The following GREP1 variants were observed in gnomAD, a reference collection of about 807,000 sequenced individuals.
GREP1 encodes glycine rich extracellular protein 1.
At position 2,991,254 on chromosome 16, in the gene GREP1, G is replaced by A. The variant is rs964094291; in HGVS notation, c.322+153G>A. On this transcript the variant is annotated intron_variant, in intron 8 of 34. Coordinates refer to ENST00000573315, the Ensembl canonical transcript of GREP1. The surrounding 1 kb of genome is among the most constrained non-coding windows in gnomAD (Gnocchi z 4.9). The stretch of plus-strand genomic sequence containing the variant: ...TCCCTTCCCAGGCCTGGGAGTGGGC[G>A]TGAAACCTCCGAAGCCAGGTGAGGC... The A allele has an allele frequency of 1.3e-5, 5 of 396,620 alleles. No homozygotes were observed. The highest frequency in any genetic ancestry group is 4.1e-5 in the African/African-American group (2 of 48,538). The allele number at this position is 396,620 out of a possible 1,614,324, so 24.6% of individuals were successfully genotyped here.
chr16:2,998,684 G>C (rs2072441210), intron 25 of GREP1, among the ~76,000 whole-genome samples, 161 bp downstream of exon 23: 1 of 152,190 alleles, frequency 6.6e-6, no homozygotes, highest in Non-Finnish European at 1.5e-5. Context: ...TGTGGACCAA[G>C]GGAGCTGGGC....
At chr16:2,996,272 C>T (rs1472884794) in intron 18 of GREP1, among the ~76,000 whole-genome samples, 5 of 152,158 alleles carry the variant, frequency 3.3e-5, no homozygotes, top group African/African-American at 9.7e-5. Context: ...AGACAAAGAT[C>T]GGGCCAGGGG....
chr16:2,997,682 T>C (rs1429950989), intron 22 of GREP1, 121 bp from the exon 21 acceptor site: 2 of 397,982 alleles, frequency 5.0e-6, no homozygotes, highest in Non-Finnish European at 8.8e-6. Flanking sequence ...CAGTTCCCAC[T>C]GGTCATGGAC....
At chr16:2,999,148 A>G (rs1328602977) in intron 26 of GREP1, 169 bp downstream of exon 24, 1 of 398,454 alleles carries the variant, frequency 2.5e-6, no homozygotes, top group Admixed American at 4.4e-5. Context: ...TGGCCCTGGG[A>G]CCCCATGTGG....
At chr16:2,993,284 CAG>C (rs2072407954) in intron 10 of GREP1, 1 of 218,854 alleles carries the variant, frequency 4.6e-6, no homozygotes, top group Admixed American at 5.8e-5. Flanking sequence ...ACTAAAGGCT[CAG>C]AGAGCAGGCG....
intron 22 of GREP1, chr16:2,997,466 TG>T: frequency 2.5e-6 from 1 of 397,958 alleles, no homozygotes; most frequent in Non-Finnish European, 4.4e-6. Context: ...AGGAAAGAGG[TG>T]GGGGCCTGGC....
chr16:2,999,996 C>T (rs1002869391), intron 28 of GREP1, 53 bp downstream of exon 25: 2 of 399,032 alleles, frequency 5.0e-6, no homozygotes, highest in Admixed American at 4.4e-5. Context: ...CTCTTCCCTC[C>T]TCTTCCTTCT....
In GREP1 at chr16:3,000,828, G is replaced by T. The variant is rs2072457629; in HGVS notation, c.1531+1G>T. 2.5e-6 allele frequency: 1 copy of T among 399,050 alleles called. No individual in the cohort carries two copies. Among genetic ancestry groups the T allele is most frequent in the Non-Finnish European group, 4.4e-6 (1 of 226,206 alleles). The allele number at this position is 399,050 out of a possible 1,614,324, so 24.7% of individuals were successfully genotyped here. A position where few individuals can be genotyped will look rare whatever the true frequency, so the allele number is the denominator to read the frequency against. ...TATGCTGAGGCCAGGAGCCAGCCAGGTAACGGGATGCCTGGATGAGTGTGT... is the reference window on the plus strand; with the variant it reads ...TATGCTGAGGCCAGGAGCCAGCCAGTTAACGGGATGCCTGGATGAGTGTGT... On this transcript the variant is annotated splice_donor_variant, in intron 33 of 34. Coordinates refer to ENST00000573315, the Ensembl canonical transcript of GREP1. LOFTEE classifies it high-confidence loss of function.
At chr16:2,990,441 C>T (rs1351440920) in intron 5 of GREP1, 111 bp from the exon 6 acceptor site, 2 of 399,106 alleles carry the variant, frequency 5.0e-6, no homozygotes, top group African/African-American at 2.1e-5. Context: ...ATCTGATCCC[C>T]CTCTCTTTCC....
rs979490233 is a variant in GREP1, at chr16:2,992,125, G to A, written c.323-680G>A. ...TCGGTCTCCCAAGATCTGGTGATGG[G>A]AATGGGATGGGAGCTGGGGCCTTCC... On this transcript the variant is annotated intron_variant, in intron 8 of 34. Transcript: ENST00000573315. The surrounding 1 kb of genome is among the most constrained non-coding windows in gnomAD (Gnocchi z 4.9). The A allele has an allele frequency of 6.6e-6, 1 of 152,610 alleles. No individual in the cohort carries two copies. Among genetic ancestry groups the A allele is most frequent in the African/African-American group, 2.4e-5 (1 of 41,444 alleles). 9.5% of individuals were successfully genotyped at this position (152,610 alleles called of 1,614,324 possible).
Position 2,990,965 on chromosome 16 carries a change from G to A in GREP1, c.269-83G>A, listed in dbSNP as rs994299602. ...GCGAGGCCGCCCCACACCTGTCCCA[G>A]TGTCCACTTCCCACCCTCTGTCTCT... On this transcript the variant is annotated intron_variant, in intron 7 of 34. Coordinates refer to ENST00000573315, the Ensembl canonical transcript of GREP1. 6 of 399,018 alleles carry A rather than the reference G, an allele frequency of 1.5e-5. No individual in the cohort carries two copies. The Admixed American group carries it at 2.6e-4, about 18-fold the overall frequency. The allele number at this position is 399,018 out of a possible 1,614,324, so 24.7% of individuals were successfully genotyped here.
At chr16:2,997,971 G>A in intron 23 of GREP1, 136 bp downstream of exon 21, 1 of 224,650 alleles carries the variant, frequency 4.5e-6, no homozygotes. Context: ...GTGGGAAGGA[G>A]CCCAGCCAGG....
intron 29 of GREP1, 120 bp downstream of exon 26, chr16:3,000,238 C>T (rs535767171): frequency 5.0e-6 from 2 of 399,372 alleles, no homozygotes; most frequent in East Asian, 3.6e-5. Context: ...CCTCCTGATG[C>T]TGTCCCTGTT....
chr16:2,993,972 A>C (rs1039448602), intron 10 of GREP1: 1 of 152,732 alleles, frequency 6.5e-6, no homozygotes, highest in African/African-American at 2.4e-5. Context: ...ACAAACAAAC[A>C]AACAAACAAC....
In GREP1 at chr16:2,998,741, A is replaced by G. The variant is rs2072441624; in HGVS notation, c.1013-107A>G. On this transcript the variant is annotated intron_variant, in intron 25 of 34. Transcript: ENST00000573315. ...CCCCCTAAGGTGCTGGGTCTGCCCT[A>G]GAAGCCACTACAGGCCGGTGGCTTG... The G allele has an allele frequency of 1.5e-5, 6 of 398,602 alleles. No individual in the cohort carries two copies. In the Admixed American group the frequency reaches 1.8e-4, roughly 12 times the overall value. The allele number at this position is 398,602 out of a possible 1,614,324, so 24.7% of individuals were successfully genotyped here.
At chr16:2,990,694 T>A in intron 7 of GREP1, 107 bp downstream of exon 6, 1 of 397,454 alleles carries the variant, frequency 2.5e-6, no homozygotes, top group Middle Eastern at 6.3e-4. Context: ...TTCCAGGGTC[T>A]TCTCCAGGCT....
chr16:2,989,199 C>T lies in GREP1; in HGVS notation c.101-324C>T, dbSNP rs770451362. ...GGTGGAGTGGGCTCTGCCCCACAGT[C>T]CCCCAGAGCCCTGGCTCAGACACCT... On this transcript the variant is annotated intron_variant, in intron 2 of 34. Coordinates refer to ENST00000573315, the Ensembl canonical transcript of GREP1. The surrounding 1 kb of genome is among the most constrained non-coding windows in gnomAD (Gnocchi z 4.2). The T allele has an allele frequency of 2.9e-6, 1 of 345,422 alleles. No individual in the cohort carries two copies. Among genetic ancestry groups the T allele is most frequent in the Non-Finnish European group, 5.2e-6 (1 of 192,416 alleles). 21.4% of individuals were successfully genotyped at this position (345,422 alleles called of 1,614,324 possible). A position where few individuals can be genotyped will look rare whatever the true frequency, so the allele number is the denominator to read the frequency against.
intron 33 of GREP1, 125 bp from the exon 28 acceptor site, chr16:3,001,156 C>T (rs1179449442): frequency 2.5e-6 from 1 of 398,518 alleles, no homozygotes; most frequent in East Asian, 3.6e-5. Context: ...CTCTGAGAAA[C>T]TGAGGCAGAG....
chr16:2,995,174 G>A, intron 13 of GREP1, 110 bp from the exon 15 acceptor site: 1 of 346,472 alleles, frequency 2.9e-6, no homozygotes, highest in Non-Finnish European at 4.8e-6. Flanking sequence ...AATGGCCCTG[G>A]AGCAGGTCCT....
Sources: gnomAD v4.1 joint callset for allele counts (sites outside exome capture counted in the v4.1 genomes callset) on GRCh38, gnomAD v4.1.1 for gene constraint, Gnocchi (gnomAD v3.1) non-coding constraint, MANE v1.5 for transcripts, NCBI Gene and HGNC (gene_info 2026-07-23, HGNC 2026-07-21) for gene names.